The following RBFOX1 variants were observed in gnomAD, a reference collection of about 807,000 sequenced individuals.
RBFOX1 encodes the protein RNA binding fox-1 homolog 1, also known as RNA binding protein fox-1 homolog 1.
In RBFOX1, 8 loss-of-function variants were observed where a neutral mutation model predicts 57.7. The ratio of observed to expected loss-of-function variants is 0.14; its 90% CI spans 0.08 to 0.25. The LOEUF is 0.25. RBFOX1 is among the 10% of genes least tolerant of loss of function. The pLI is 1.00. For synonymous variants in RBFOX1, 326 were observed against 222.4 expected (o/e 1.47, Z -4.15); for missense variants, 611 against 548.5 (o/e 1.11, Z -1.14).
intron 3 of RBFOX1, among the ~76,000 whole-genome samples, chr16:6,932,026 A>C (rs932439860): frequency 2.0e-5 from 3 of 152,124 alleles, no homozygotes; most frequent in Non-Finnish European, 4.4e-5. Context: ...TGCAGTAGCT[A>C]ACCTCCTGCA....
chr16:6,026,015 G>T (rs745649488), intron 1 of RBFOX1, among the ~76,000 whole-genome samples: 2 of 152,040 alleles, frequency 1.3e-5, no homozygotes, highest in Non-Finnish European at 2.9e-5. Context: ...GCATGTGATC[G>T]CCTCCCCCAC....
Position 7,461,033 on chromosome 16 carries a change from C to G in RBFOX1, c.28-57114C>G, listed in dbSNP as rs150214774. On this transcript the variant is annotated intron_variant, in intron 4 of 15. Coordinates refer to ENST00000550418, the MANE Select transcript of RBFOX1 (RefSeq NM_018723.4). ...AAGGAAGCCATGTAGTGAGTGAGGT[C>G]TTTAGGTTTCTGTTAGCCAGATAAT... is the stretch of plus-strand genomic sequence containing the variant. Among the ~76,000 whole-genome samples, 3 of 152,242 alleles carry G rather than the reference C, an allele frequency of 2.0e-5. No individual in the cohort carries two copies. In the East Asian group the frequency reaches 5.8e-4, roughly 29 times the overall value.
chr16:6,592,702 G>T (rs944981995), intron 2 of RBFOX1, among the ~76,000 whole-genome samples: 1 of 151,222 alleles, frequency 6.6e-6, no homozygotes, highest in Non-Finnish European at 1.5e-5. Flanking sequence ...GAGAAATGTC[G>T]TGTGTGTGTG....
At chr16:5,619,046 G>A (rs1349094265) in intron 3 of RBFOX1, among the ~76,000 whole-genome samples, 2 of 152,194 alleles carry the variant, frequency 1.3e-5, no homozygotes, top group African/African-American at 4.8e-5. Flanking sequence ...CCCTGGACAG[G>A]ACAAAATGTC....
At chr16:6,556,467 A>G (rs1006998107) in intron 2 of RBFOX1, among the ~76,000 whole-genome samples, 4 of 152,198 alleles carry the variant, frequency 2.6e-5, no homozygotes, top group African/African-American at 7.2e-5. Context: ...AAATGAAAAC[A>G]TGTCGCCTCT....
chr16:7,389,236 G>C (rs1355842062), intron 4 of RBFOX1, among the ~76,000 whole-genome samples: 1 of 152,020 alleles, frequency 6.6e-6, no homozygotes, highest in Admixed American at 6.6e-5. Context: ...AGATGATCCT[G>C]TACCTCAGCC....
intron 3 of RBFOX1, among the ~76,000 whole-genome samples, chr16:6,849,016 A>C (rs542480287): frequency 6.6e-6 from 1 of 152,310 alleles, no homozygotes; most frequent in Admixed American, 6.5e-5. Context: ...AGGTAGTCCC[A>C]CCATTGGCCA....
chr16:7,024,843 TGG>T (rs1015993515), intron 3 of RBFOX1, among the ~76,000 whole-genome samples: 7 of 152,174 alleles, frequency 4.6e-5, no homozygotes, highest in Non-Finnish European at 7.4e-5. Context: ...CACACGGGGC[TGG>T]GTGTCACGTG....
intron 3 of RBFOX1, among the ~76,000 whole-genome samples, chr16:6,764,022 C>G (rs1286184073): frequency 2.6e-5 from 4 of 152,160 alleles, no homozygotes; most frequent in African/African-American, 9.7e-5. Flanking sequence ...TTAATGCTGT[C>G]TGCATGCTGT....
intron 2 of RBFOX1, among the ~76,000 whole-genome samples, chr16:6,433,800 A>G (rs1005571444): frequency 1.3e-5 from 2 of 149,526 alleles, no homozygotes; most frequent in Non-Finnish European, 3.0e-5. Context: ...CCTCTGCTCC[A>G]TCATCACACC....
intron 14 of RBFOX1, among the ~76,000 whole-genome samples, chr16:7,692,300 C>G (rs190844242): frequency 3.1e-4 from 47 of 152,162 alleles, no homozygotes; most frequent in African/African-American, 1.1e-3. Flanking sequence ...ATGTGAAATT[C>G]TAGGGAATAT....
chr16:6,691,972 G>T (rs935624608), intron 3 of RBFOX1, among the ~76,000 whole-genome samples: 4 of 152,140 alleles, frequency 2.6e-5, no homozygotes, highest in Non-Finnish European at 5.9e-5. Flanking sequence ...AGCTGGAAAA[G>T]TTAGGGACAT....
intron 2 of RBFOX1, among the ~76,000 whole-genome samples, chr16:6,444,626 A>G (rs1331407856): frequency 2.0e-5 from 3 of 152,072 alleles, no homozygotes; most frequent in Non-Finnish European, 4.4e-5. Context: ...CTGTAAGTCC[A>G]TTAAACCTTT....
chr16:6,091,167 G>A lies in RBFOX1; in HGVS notation c.-127+71175G>A, dbSNP rs2096166949. Among the ~76,000 whole-genome samples the A allele has an allele frequency of 2.0e-5, 3 of 152,068 alleles. No individual in the cohort carries two copies. The South Asian group carries it at 6.2e-4, about 32-fold the overall frequency. ...TAAAACTCACTTCTCCTATCTAACTGTAGGTTTGCACCCATTAACCGATTT... is the reference window on the plus strand; with the variant it reads ...TAAAACTCACTTCTCCTATCTAACTATAGGTTTGCACCCATTAACCGATTT... On this transcript the variant is annotated intron_variant, in intron 1 of 15. Transcript: ENST00000550418.
At chr16:5,929,682 T>G (rs575831918) in intron 4 of RBFOX1, among the ~76,000 whole-genome samples, 11 of 152,234 alleles carry the variant, frequency 7.2e-5, no homozygotes, top group South Asian at 2.1e-4. Context: ...GTCAGATTGG[T>G]CTGAGTGATC....
chr16:7,551,018 C>A (rs28673355), intron 5 of RBFOX1, among the ~76,000 whole-genome samples: 1 of 146,148 alleles, frequency 6.8e-6, no homozygotes, highest in Admixed American at 7.2e-5. Context: ...CACTTGAACC[C>A]AGGAGGCGGA....
intron 3 of RBFOX1, among the ~76,000 whole-genome samples, chr16:5,667,910 G>T (rs1209438206): frequency 6.6e-6 from 1 of 152,150 alleles, no homozygotes; most frequent in Non-Finnish European, 1.5e-5. Flanking sequence ...GGATGTCTCT[G>T]CAAAGACTGA....
intron 14 of RBFOX1, among the ~76,000 whole-genome samples, chr16:7,700,569 A>C (rs2080342307): frequency 6.6e-6 from 1 of 152,216 alleles, no homozygotes. Flanking sequence ...ATTTCAAAGC[A>C]CAATAAAAAT....
intron 1 of RBFOX1, among the ~76,000 whole-genome samples, chr16:5,279,719 C>G (rs1475821180): frequency 6.6e-6 from 1 of 152,160 alleles, no homozygotes; most frequent in Non-Finnish European, 1.5e-5. Flanking sequence ...CCAGGCTGGT[C>G]TCAAACTCCC....
Sources: gnomAD v4.1 joint callset for allele counts (sites outside exome capture counted in the v4.1 genomes callset) on GRCh38, gnomAD v4.1.1 for gene constraint, MANE v1.5 for transcripts, NCBI Gene and HGNC (gene_info 2026-07-23, HGNC 2026-07-21) for gene names.